Variants in DEPDC1B observed in about 807,000 individuals in gnomAD.
The protein encoded by DEPDC1B is DEP domain containing 1B, also known as DEP domain-containing protein 1B.
Under a neutral mutation model 66.5 loss-of-function variants are expected in DEPDC1B, and 51 were observed. That is an observed-to-expected ratio of 0.77 (90% CI 0.61 to 0.97). The LOEUF is 0.97. Among genes scored for constraint, DEPDC1B ranks in the 50% least tolerant of loss-of-function variants. The pLI, the probability that DEPDC1B is intolerant of heterozygous loss-of-function variation, is 0.00. For missense variants in DEPDC1B, 552 were observed against 637.1 expected (o/e 0.87, Z 1.44); for synonymous variants, 226 against 223.6 (o/e 1.01, Z -0.10).
At chr5:60,620,280 T>C (rs1237966617) in intron 7 of DEPDC1B, among the ~76,000 whole-genome samples, 1 of 152,134 alleles carries the variant, frequency 6.6e-6, no homozygotes, top group Non-Finnish European at 1.5e-5. Context: ...AAAGCCAAAA[T>C]TGACAAACAG....
chr5:60,612,698 T>C (rs1201137689), intron 7 of DEPDC1B, among the ~76,000 whole-genome samples: 1 of 139,436 alleles, frequency 7.2e-6, no homozygotes, highest in Non-Finnish European at 1.5e-5. Flanking sequence ...TACTTTCAAA[T>C]GGTTCAGAAA....
At chr5:60,682,108 C>T (rs763674262) in intron 2 of DEPDC1B, among the ~76,000 whole-genome samples, 1 of 152,056 alleles carries the variant, frequency 6.6e-6, no homozygotes, top group Admixed American at 6.6e-5. Flanking sequence ...GAAGAAAAAA[C>T]CAACCCAAAT....
intron 7 of DEPDC1B, chr5:60,630,637 A>G (rs1335019595): frequency 6.6e-6 from 1 of 152,528 alleles, no homozygotes; most frequent in Non-Finnish European, 1.5e-5. Flanking sequence ...TTCTGCAAGC[A>G]CAAATAAAAA....
chr5:60,691,812 TG>T (rs893171797), intron 1 of DEPDC1B, among the ~76,000 whole-genome samples: 3 of 152,186 alleles, frequency 2.0e-5, no homozygotes, highest in Admixed American at 1.3e-4. Flanking sequence ...GAAAGACAGG[TG>T]GATCTACTGA....
intron 2 of DEPDC1B, among the ~76,000 whole-genome samples, chr5:60,662,918 C>G (rs1162161784): frequency 1.3e-5 from 2 of 152,122 alleles, no homozygotes; most frequent in African/African-American, 4.8e-5. Flanking sequence ...TCTCCTGTCC[C>G]GGCCAACTGT....
chr5:60,679,136 T>A (rs1248588032), intron 2 of DEPDC1B, among the ~76,000 whole-genome samples: 1 of 152,222 alleles, frequency 6.6e-6, no homozygotes. Context: ...TATTCCAACA[T>A]AATTTGCTGA....
At position 60,599,130 on chromosome 5, in the gene DEPDC1B, T is replaced by G; in HGVS notation, c.1373A>C (p.Glu458Ala). 1 of 1,613,060 alleles carries G rather than the reference T, an allele frequency of 6.2e-7. No homozygotes were observed. Among genetic ancestry groups the G allele is most frequent in the Non-Finnish European group, 8.5e-7 (1 of 1,179,494 alleles). Residue 458 changes from glutamate (E) to alanine (A), a missense_variant, in exon 10 of 11, where the codon GAA becomes GCA. Glu to Ala is a moderately radical substitution (Grantham distance 107). Transcript: ENST00000265036. ...SQEPLAALLE[E>A]VITDAKLSNK... ...GGAGAGTTTGGCATCTGTTATGACT[T>G]CCTCCAACAAGGCTGCCAGAGGTTC...
At position 60,700,048 on chromosome 5, in the gene DEPDC1B, G is replaced by T. The variant is rs1437214855; in HGVS notation, c.46C>A (p.Leu16Met). The T allele has an allele frequency of 2.6e-6, 4 of 1,557,836 alleles. No homozygotes were observed. The highest frequency in any genetic ancestry group is 3.5e-6 in the Non-Finnish European group (4 of 1,152,570). ...VGPGPYRATRLWNETVELFRA... is the reference protein window; with the variant it reads ...VGPGPYRATRMWNETVELFRA... ...CAGGCCCCAGCACACTCACTCACCA[G>T]CCTGGTAGCTCGGTACGGCCCGGGC... The change falls in exon 1 of 11, where the codon CTG becomes ATG. Residue 16 changes from leucine (L) to methionine (M), a missense_variant and splice_region_variant. By Grantham distance (15) the Leu-to-Met change is conservative (BLOSUM62 2). Transcript: ENST00000265036.
chr5:60,653,099 G>A lies in DEPDC1B; in HGVS notation c.315-5566C>T, dbSNP rs1753493455. 1.3e-5 allele frequency among the ~76,000 whole-genome samples: 2 copies of A among 149,204 alleles called. 1 individual carries two copies. The highest frequency in any genetic ancestry group is 4.4e-4 in the South Asian group (2 of 4,536). ...TGTGCAAGTGTCTTTTTCGTATAAT[G>A]ACTTCCTTTCCTCTGGGTCGATACC... On this transcript the variant is annotated intron_variant, in intron 2 of 10. Transcript: ENST00000265036.
chr5:60,647,743 T>C (rs1158403443), intron 2 of DEPDC1B: 1 of 391,904 alleles, frequency 2.6e-6, no homozygotes, highest in Non-Finnish European at 4.3e-6. Context: ...TTTTATCAGA[T>C]AATATTTTTC....
At position 60,653,331 on chromosome 5, in the gene DEPDC1B, T is replaced by C. The variant is rs114181917; in HGVS notation, c.315-5798A>G. 1.6e-3 allele frequency among the ~76,000 whole-genome samples: 216 copies of C among 138,948 alleles called. 29 individuals carry two copies. Among genetic ancestry groups the C allele is most frequent in the African/African-American group, 6.2e-3 (212 of 34,094 alleles). The allele number at this position is 138,948 out of a possible 152,430, so 91.2% of individuals were successfully genotyped here. On this transcript the variant is annotated intron_variant, in intron 2 of 10. Coordinates refer to ENST00000265036, the MANE Select transcript of DEPDC1B (RefSeq NM_018369.3). ...AGTGGTATCACATTGCGGTTTTGAT[T>C]TGCATTTCCCTCATCGTTAGTAATG... is the stretch of plus-strand genomic sequence containing the variant.
intron 1 of DEPDC1B, among the ~76,000 whole-genome samples, chr5:60,693,561 A>G (rs1754591838): frequency 6.6e-6 from 1 of 152,182 alleles, no homozygotes; most frequent in Admixed American, 6.5e-5. Flanking sequence ...ATAAGGTTCA[A>G]TCTATTCTAG....
chr5:60,681,834 T>G (rs1445513422), intron 2 of DEPDC1B, among the ~76,000 whole-genome samples: 1 of 151,918 alleles, frequency 6.6e-6, no homozygotes, highest in Non-Finnish European at 1.5e-5. Flanking sequence ...CTAGCTGGAC[T>G]CAAACTCCCC....
At chr5:60,615,033 A>G (rs1347691867) in intron 7 of DEPDC1B, among the ~76,000 whole-genome samples, 2 of 152,214 alleles carry the variant, frequency 1.3e-5, no homozygotes, top group Non-Finnish European at 2.9e-5. Flanking sequence ...AGCTATTATG[A>G]GCAAAGTTAT....
chr5:60,608,646 G>A (rs1752357117), intron 7 of DEPDC1B, among the ~76,000 whole-genome samples: 1 of 65,762 alleles, frequency 1.5e-5, no homozygotes, highest in East Asian at 3.5e-4. Flanking sequence ...CCTCAGGGCT[G>A]TAAAATATCA....
intron 1 of DEPDC1B, among the ~76,000 whole-genome samples, chr5:60,688,329 T>A (rs1427814852): frequency 3.9e-5 from 6 of 152,132 alleles, no homozygotes; most frequent in African/African-American, 1.4e-4. Context: ...CATGACATCT[T>A]CAGATACCAC....
intron 2 of DEPDC1B, among the ~76,000 whole-genome samples, chr5:60,677,914 G>C (rs2112007577): frequency 6.6e-6 from 1 of 152,250 alleles, no homozygotes; most frequent in South Asian, 2.1e-4. Context: ...TCCACTAGAG[G>C]GAGGAAGTAG....
In DEPDC1B at chr5:60,641,695, A is replaced by G. The variant is rs552536731; in HGVS notation, c.757+1117T>C. Among the ~76,000 whole-genome samples the G allele has an allele frequency of 1.5e-4, 23 of 152,200 alleles. No individual in the cohort carries two copies. The South Asian group carries it at 1.9e-3, about 12-fold the overall frequency. On this transcript the variant is annotated intron_variant, in intron 6 of 10. Transcript: ENST00000265036. ...GTTTAACTTCTCATTTATACTCTCTATCTCATCATTGTCAACCCTAGACAA... is the reference window on the plus strand; with the variant it reads ...GTTTAACTTCTCATTTATACTCTCTGTCTCATCATTGTCAACCCTAGACAA...
At chr5:60,634,452 C>G (rs868397573) in intron 7 of DEPDC1B, among the ~76,000 whole-genome samples, 2 of 152,150 alleles carry the variant, frequency 1.3e-5, no homozygotes, top group East Asian at 3.9e-4. Context: ...GCGGGCGGAT[C>G]ACGAGATTAG....
Sources: allele counts gnomAD v4.1 joint callset (sites outside exome capture counted in the v4.1 genomes callset), GRCh38; gene constraint gnomAD v4.1.1; transcripts MANE v1.5; gene names NCBI Gene and HGNC (gene_info 2026-07-23, HGNC 2026-07-21).